The following PCSK5 variants were observed in gnomAD, a reference collection of about 807,000 sequenced individuals.
PCSK5 encodes proprotein convertase subtilisin/kexin type 5.
PCSK5 carries 129 observed loss-of-function variants against 233.2 expected under a neutral mutation model. The observed-to-expected ratio is 0.55, with a 90% CI of 0.48 to 0.64. The LOEUF (loss-of-function observed/expected upper bound fraction) is 0.64. PCSK5 is among the 30% of genes least tolerant of loss of function. PCSK5 has a pLI of 0.00. For synonymous variants in PCSK5, 825 were observed against 879.2 expected (o/e 0.94, Z 1.09); for missense variants, 2,076 against 2,430.1 (o/e 0.85, Z 3.06).
At chr9:76,108,223 A>C (rs1311537455) in intron 9 of PCSK5, among the ~76,000 whole-genome samples, 1 of 152,220 alleles carries the variant, frequency 6.6e-6, no homozygotes, top group African/African-American at 2.4e-5. Flanking sequence ...AATTCCAAAC[A>C]TGTCTTGTCC....
chr9:75,908,056 A>T (rs1822482521), intron 1 of PCSK5, among the ~76,000 whole-genome samples: 1 of 152,236 alleles, frequency 6.6e-6, no homozygotes, highest in African/African-American at 2.4e-5. Flanking sequence ...TAAGCCCTGC[A>T]GGTCAGTCCT....
intron 35 of PCSK5, among the ~76,000 whole-genome samples, chr9:76,345,062 A>T (rs61594606): frequency 0.012 from 1,815 of 152,294 alleles, 40 homozygotes; most frequent in African/African-American, 0.041. Flanking sequence ...TTTGGAGTAT[A>T]AATAACTGTC....
chr9:76,265,084 GA>G (rs1316163458), intron 24 of PCSK5, among the ~76,000 whole-genome samples: 1 of 151,968 alleles, frequency 6.6e-6, no homozygotes, highest in Non-Finnish European at 1.5e-5. Flanking sequence ...CCATAAAAAA[GA>G]AAAAATTATG....
chr9:76,207,523 T>A (rs1036317054), intron 20 of PCSK5, among the ~76,000 whole-genome samples: 2 of 152,260 alleles, frequency 1.3e-5, no homozygotes, highest in African/African-American at 4.8e-5. Context: ...ACTTACTATG[T>A]GTTAAGTACT....
At chr9:76,082,581 G>A (rs139910567) in intron 7 of PCSK5, among the ~76,000 whole-genome samples, 5 of 152,150 alleles carry the variant, frequency 3.3e-5, no homozygotes, top group African/African-American at 1.2e-4. Context: ...ATGAATAAAT[G>A]TTCTAAATGA....
At chr9:76,113,641 G>A (rs1236872387) in intron 9 of PCSK5, among the ~76,000 whole-genome samples, 1 of 152,030 alleles carries the variant, frequency 6.6e-6, no homozygotes, top group Non-Finnish European at 1.5e-5. Flanking sequence ...TGGGGCGAGG[G>A]GTGCTTCATA....
chr9:76,123,060 T>G (rs1832709495), intron 9 of PCSK5, among the ~76,000 whole-genome samples: 1 of 152,028 alleles, frequency 6.6e-6, no homozygotes, highest in Admixed American at 6.6e-5. Context: ...GCCAGGCTGG[T>G]TTTGAACTCC....
rs1828006985 is a variant in PCSK5 at position 76,284,755 on chromosome 9, C to G, written c.3143-7478C>G. ...CCATGTTGGTCAGGTTGGTCTCAAA[C>G]TCCCGACGTCAGGTGATCCACCAGC... On this transcript the variant is annotated intron_variant, in intron 24 of 37. Coordinates refer to ENST00000674117, the MANE Select transcript of PCSK5 (RefSeq NM_001372043.1). Among the ~76,000 whole-genome samples the G allele has an allele frequency of 2.6e-5, 4 of 151,968 alleles. No individual in the cohort carries two copies. The South Asian group carries it at 8.3e-4, about 32-fold the overall frequency.
chr9:75,932,869 A>G (rs1327595046), intron 2 of PCSK5, among the ~76,000 whole-genome samples: 1 of 152,196 alleles, frequency 6.6e-6, no homozygotes, highest in Non-Finnish European at 1.5e-5. Flanking sequence ...GGTTTCTTCC[A>G]GAACCCTTAG....
At chr9:75,894,407 G>C (rs185033716) in intron 1 of PCSK5, among the ~76,000 whole-genome samples, 6 of 152,266 alleles carry the variant, frequency 3.9e-5, no homozygotes, top group African/African-American at 1.4e-4. Context: ...GGGATGTGCA[G>C]AGTAACACAA....
intron 3 of PCSK5, among the ~76,000 whole-genome samples, chr9:76,023,199 C>G (rs1401145335): frequency 6.6e-6 from 1 of 152,100 alleles, no homozygotes; most frequent in East Asian, 1.9e-4. Context: ...TTAGTTTATG[C>G]TTTTCCAAAA....
intron 5 of PCSK5, among the ~76,000 whole-genome samples, chr9:76,051,010 G>A (rs945531178): frequency 9.2e-5 from 14 of 152,100 alleles, no homozygotes; most frequent in African/African-American, 3.1e-4. Flanking sequence ...AATATTTTTT[G>A]CAACAGCCTA....
At chr9:76,345,601 T>C (rs1829957905) in intron 35 of PCSK5, among the ~76,000 whole-genome samples, 1 of 151,624 alleles carries the variant, frequency 6.6e-6, no homozygotes, top group Non-Finnish European at 1.5e-5. Flanking sequence ...TTTAAATATT[T>C]TTAGTAGAGA....
At chr9:76,001,935 C>T (rs1022465861) in intron 3 of PCSK5, among the ~76,000 whole-genome samples, 12 of 152,124 alleles carry the variant, frequency 7.9e-5, no homozygotes, top group African/African-American at 2.7e-4. Context: ...GCATTAAATT[C>T]GTTCTATCCT....
chr9:76,209,693 C>A (rs560182839), intron 20 of PCSK5, among the ~76,000 whole-genome samples: 16 of 152,084 alleles, frequency 1.1e-4, no homozygotes, highest in African/African-American at 2.7e-4. Context: ...TTACTCTTGA[C>A]CTTAAAGAGC....
At chr9:75,958,146 G>T (rs535863086) in intron 2 of PCSK5, among the ~76,000 whole-genome samples, 1 of 152,260 alleles carries the variant, frequency 6.6e-6, no homozygotes, top group African/African-American at 2.4e-5. Flanking sequence ...AACATGAAAA[G>T]ATTATGCAAA....
chr9:76,182,082 G>C (rs1377141141), intron 16 of PCSK5, among the ~76,000 whole-genome samples: 3 of 152,164 alleles, frequency 2.0e-5, no homozygotes, highest in Non-Finnish European at 2.9e-5. Flanking sequence ...AGGAAAATAG[G>C]TGTTCACCAT....
chr9:75,890,377 T>C (rs1295271800), upstream of PCSK5, among the ~76,000 whole-genome samples: 1 of 152,152 alleles, frequency 6.6e-6, no homozygotes, highest in Non-Finnish European at 1.5e-5. Flanking sequence ...GTAAATTTCT[T>C]TAGTCTTTCG....
intron 5 of PCSK5, among the ~76,000 whole-genome samples, chr9:76,044,206 G>T (rs1829276397): frequency 6.6e-6 from 1 of 152,144 alleles, no homozygotes; most frequent in African/African-American, 2.4e-5. Flanking sequence ...GTAGAATTTG[G>T]CTATAATTTT....
Sources: allele counts gnomAD v4.1 joint callset (sites outside exome capture counted in the v4.1 genomes callset), GRCh38; gene constraint gnomAD v4.1.1; transcripts MANE v1.5; gene names NCBI Gene and HGNC (gene_info 2026-07-23, HGNC 2026-07-21).